The following DLEC1 variants were observed in gnomAD, a reference collection of about 807,000 sequenced individuals.
The protein encoded by DLEC1 is DLEC1 cilia and flagella associated protein, also known as deleted in lung and esophageal cancer protein 1.
In DLEC1, 146 loss-of-function variants were observed where a neutral mutation model predicts 198.1. The ratio of observed to expected loss-of-function variants is 0.74; its 90% CI spans 0.64 to 0.85. The LOEUF (loss-of-function observed/expected upper bound fraction) is 0.85. DLEC1 is among the 40% of genes least tolerant of loss of function. DLEC1 has a pLI of 0.00. For missense variants in DLEC1, 2,233 were observed against 2,220.0 expected (o/e 1.01, Z -0.12); for synonymous variants, 897 against 866.8 (o/e 1.03, Z -0.61).
At chr3:38,054,671 A>C (rs1696259635) in intron 2 of DLEC1, among the ~76,000 whole-genome samples, 1 of 152,242 alleles carries the variant, frequency 6.6e-6, no homozygotes, top group South Asian at 2.1e-4. Context: ...CTGTAAGCAC[A>C]GCCCTGAGAA....
chr3:38,079,570 A>G (rs150593746), intron 6 of DLEC1, among the ~76,000 whole-genome samples: 9,381 of 152,242 alleles, frequency 0.062, 374 homozygotes, highest in Middle Eastern at 0.12. Flanking sequence ...CCTGGGAAGG[A>G]GTCAGTCAGA....
At chr3:38,108,219 T>G (rs1209254584) in intron 20 of DLEC1, among the ~76,000 whole-genome samples, 186 bp from the exon 21 acceptor site, 2 of 152,174 alleles carry the variant, frequency 1.3e-5, no homozygotes, top group Admixed American at 1.3e-4. Context: ...CATCCAGGGT[T>G]GGGGAGGAGA....
chr3:38,096,545 A>T, intron 14 of DLEC1, 24 bp from the exon 15 acceptor site: 1 of 1,600,980 alleles, frequency 6.2e-7, no homozygotes, highest in Non-Finnish European at 8.5e-7. Flanking sequence ...GCCGGCTCCT[A>T]GCTAACGGTG....
chr3:38,113,930 T>G (rs901906297), intron 25 of DLEC1, among the ~76,000 whole-genome samples: 1 of 151,968 alleles, frequency 6.6e-6, no homozygotes, highest in Admixed American at 6.6e-5. Flanking sequence ...ATAAAGTTCT[T>G]TTCATTTAAA....
chr3:38,095,924 G>A lies in DLEC1; in HGVS notation c.2149G>A (p.Glu717Lys). 1 of 1,613,866 alleles carries A rather than the reference G, an allele frequency of 6.2e-7. No homozygotes were observed. The highest frequency in any genetic ancestry group is 8.5e-7 in the Non-Finnish European group (1 of 1,180,030). ...TCACAGTGTGCTCCAGATGGTGCTA[G>A]AGGAAGTCCCAGAGCCTGTAAGGTG... ...DFHSVLQMVL[E>K]EVPEPVSSEA... The change falls in exon 14 of 37, where the codon GAG becomes AAG. Residue 717 changes from glutamate (E) to lysine (K), a missense_variant. Coordinates refer to ENST00000308059, the MANE Select transcript of DLEC1 (RefSeq NM_007335.4).
At chr3:38,052,654 G>A (rs1173134761) in intron 2 of DLEC1, among the ~76,000 whole-genome samples, 6 of 152,322 alleles carry the variant, frequency 3.9e-5, no homozygotes, top group Non-Finnish European at 5.9e-5. Flanking sequence ...TGAGGTCTCC[G>A]TCCACTGGAG....
chr3:38,080,425 G>A (rs187362652), intron 6 of DLEC1, among the ~76,000 whole-genome samples: 185 of 152,098 alleles, frequency 1.2e-3, no homozygotes, highest in African/African-American at 4.0e-3. Context: ...AAAGAAGGAA[G>A]ATTTGGGACG....
Position 38,115,094 on chromosome 3 carries a change from C to T in DLEC1, c.3856+41C>T, listed in dbSNP as rs766777752. The T allele has an allele frequency of 5.6e-6, 9 of 1,607,304 alleles. No individual in the cohort carries two copies. The South Asian group carries it at 8.8e-5, about 16-fold the overall frequency. ...GAGAAGTCAGTGTTCTTGCCACAGG[C>T]TGTGCCTTGTGGTGAGCCAGGCTGG... On this transcript the variant is annotated intron_variant, in intron 27 of 36. Transcript: ENST00000308059.
intron 27 of DLEC1, 152 bp from the exon 28 acceptor site, chr3:38,116,301 C>A: frequency 1.4e-6 from 1 of 691,530 alleles, no homozygotes; most frequent in Non-Finnish European, 2.4e-6. Flanking sequence ...TGAGAATTGC[C>A]TGGAAGTGGC....
rs370038374 is a variant in DLEC1 at position 38,095,039 on chromosome 3, C to T, written c.2080C>T (p.His694Tyr). 3.1e-6 allele frequency: 5 copies of T among 1,614,218 alleles called. No individual in the cohort carries two copies. Among genetic ancestry groups the T allele is most frequent in the Non-Finnish European group, 4.2e-6 (5 of 1,180,046 alleles). ...RKGVLSPHTDHEFILSFSPHE... is the reference protein window; with the variant it reads ...RKGVLSPHTDYEFILSFSPHE... ...GGGGGTTCTAAGCCCCCACACAGAC[C>T]ACGAGTTCATCCTGAGCTTTTCTCC... Residue 694 changes from histidine (H) to tyrosine (Y), a missense_variant, in exon 13 of 37, where the codon CAC becomes TAC. By Grantham distance (83) the His-to-Tyr change is moderately conservative (BLOSUM62 2). Transcript: ENST00000308059.
chr3:38,093,694 C>G lies in DLEC1; in HGVS notation c.1846C>G (p.Gln616Glu), dbSNP rs779100824. 6.2e-7 allele frequency: 1 copy of G among 1,614,180 alleles called. No homozygotes were observed. Among genetic ancestry groups the G allele is most frequent in the Non-Finnish European group, 8.5e-7 (1 of 1,180,040 alleles). Residue 616 changes from glutamine to glutamate, a missense_variant, in exon 12 of 37, where the codon CAG becomes GAG. Physicochemically the swap from Gln to Glu is conservative, Grantham distance 29 (BLOSUM62 2). Coordinates refer to ENST00000308059, the MANE Select transcript of DLEC1 (RefSeq NM_007335.4). ...TGGAGAGCTCACAGACTTAACAGCC[C>G]AGCACTTCATACGATTTGAGCCTGA... ...DPGELTDLTAQHFIRFEPENL... is the reference protein window; with the variant it reads ...DPGELTDLTAEHFIRFEPENL...
intron 6 of DLEC1, among the ~76,000 whole-genome samples, chr3:38,078,940 A>G (rs1388062324): frequency 2.6e-5 from 4 of 152,246 alleles, no homozygotes; most frequent in Non-Finnish European, 5.9e-5. Flanking sequence ...AGGAGAGTTT[A>G]TAGGCTTTAA....
Position 38,110,255 on chromosome 3 carries a change from A to G in DLEC1, c.3417A>G (p.Gln1139=). The change falls in exon 23 of 37, where the codon CAA becomes CAG. Residue 1139 remains glutamine, a synonymous_variant. Coordinates refer to ENST00000308059, the MANE Select transcript of DLEC1 (RefSeq NM_007335.4). ...SLKFEYFGSP[Q]NSLSKKTSLP... ...AGTTTGAGTATTTCGGGAGCCCCCA[A>G]AACAGCCTGAGCAAAAAGACCAGCC... 6.2e-7 allele frequency: 1 copy of G among 1,614,092 alleles called. No homozygotes were observed. Among genetic ancestry groups the G allele is most frequent in the Non-Finnish European group, 8.5e-7 (1 of 1,180,012 alleles).
rs911829857 is a variant in DLEC1 at position 38,112,894 on chromosome 3, A to T, written c.3666+533A>T. 6.6e-6 allele frequency among the ~76,000 whole-genome samples: 1 copy of T among 152,200 alleles called. No individual in the cohort carries two copies. Among genetic ancestry groups the T allele is most frequent in the Non-Finnish European group, 1.5e-5 (1 of 68,036 alleles). On this transcript the variant is annotated intron_variant, in intron 25 of 36. Transcript: ENST00000308059. This position sits in a 1 kb window ranked among gnomAD's most constrained non-coding sequence, Gnocchi z 4.8. The stretch of plus-strand genomic sequence containing the variant: ...GCAAGGCACCCCTAGTTTAGTCTGG[A>T]GGGATGAAACCTGCATACGTTATCC...
At chr3:38,059,908 G>C in intron 3 of DLEC1, 56 bp downstream of exon 3, 1 of 1,413,928 alleles carries the variant, frequency 7.1e-7, no homozygotes, top group Non-Finnish European at 9.8e-7. Context: ...GTTCAGTAGG[G>C]CCACGTTGGC....
intron 20 of DLEC1, 51 bp downstream of exon 20, chr3:38,107,788 G>T: frequency 6.3e-7 from 1 of 1,587,672 alleles, no homozygotes. Context: ...CAGCCACAGA[G>T]GCCCACATAG....
At chr3:38,057,779 A>G (rs1173082819) in intron 2 of DLEC1, among the ~76,000 whole-genome samples, 1 of 151,812 alleles carries the variant, frequency 6.6e-6, no homozygotes, top group Non-Finnish European at 1.5e-5. Context: ...CTGTCTTAGC[A>G]ATGACTTATG....
At chr3:38,062,959 C>G (rs1696776649) in intron 5 of DLEC1, among the ~76,000 whole-genome samples, 158 bp downstream of exon 5, 1 of 152,086 alleles carries the variant, frequency 6.6e-6, no homozygotes, top group African/African-American at 2.4e-5. Flanking sequence ...ACTGGTGTGG[C>G]CTTTGAACCT....
rs755846026 is a variant in DLEC1, at chr3:38,095,948, T to A, written c.2171+2T>A. The A allele has an allele frequency of 1.1e-5, 17 of 1,613,264 alleles. No individual in the cohort carries two copies. Among genetic ancestry groups the A allele is most frequent in the Non-Finnish European group, 1.4e-5 (16 of 1,179,898 alleles). On this transcript the variant is annotated splice_donor_variant, in intron 14 of 36. Coordinates refer to ENST00000308059, the MANE Select transcript of DLEC1 (RefSeq NM_007335.4). LOFTEE classifies it high-confidence loss of function. ...AGAGGAAGTCCCAGAGCCTGTAAGG[T>A]GAGAGAAACTGGGCCCTGGATGAGA...
Sources: allele counts gnomAD v4.1 joint callset (sites outside exome capture counted in the v4.1 genomes callset), GRCh38; gene constraint gnomAD v4.1.1; non-coding constraint Gnocchi (gnomAD v3.1); transcripts MANE v1.5; gene names NCBI Gene and HGNC (gene_info 2026-07-23, HGNC 2026-07-21).